The following ASIC1 variants were observed in gnomAD, a reference collection of about 807,000 sequenced individuals.
ASIC1 encodes the protein acid-sensing ion channel 1.
ASIC1 carries 21 observed loss-of-function variants against 63.4 expected under a neutral mutation model. That is an observed-to-expected ratio of 0.33 (90% CI 0.23 to 0.48). The LOEUF (loss-of-function observed/expected upper bound fraction) is 0.48. Among genes scored for constraint, ASIC1 ranks in the 20% least tolerant of loss-of-function variants. The pLI, the probability that ASIC1 is intolerant of heterozygous loss-of-function variation, is 0.99. For missense variants in ASIC1, 478 were observed against 695.5 expected, an observed-to-expected ratio of 0.69 and a Z score of 3.52; for synonymous variants, 258 against 278.2, an observed-to-expected ratio of 0.93 and a Z score of 0.72.
At chr12:50,080,630 G>A (rs1950705726) in intron 9 of ASIC1, 41 bp downstream of exon 9, 1 of 1,614,044 alleles carries the variant, frequency 6.2e-7, no homozygotes, top group African/African-American at 1.3e-5. Context: ...CATGCCATGG[G>A]CATGGCGTGG....
At position 50,081,757 on chromosome 12, in the gene ASIC1, C is replaced by T; in HGVS notation, c.*108C>T. The T allele has an allele frequency of 1.1e-6, 1 of 936,312 alleles. No homozygotes were observed. Among genetic ancestry groups the T allele is most frequent in the East Asian group, 2.6e-5 (1 of 38,016 alleles). The allele number at this position is 936,312 out of a possible 1,614,324, so 58.0% of individuals were successfully genotyped here. A position where few individuals can be genotyped will look rare whatever the true frequency, so the allele number is the denominator to read the frequency against. On this transcript the variant is annotated 3_prime_UTR_variant, in exon 12 of 12. Coordinates refer to ENST00000447966, the MANE Select transcript of ASIC1 (RefSeq NM_001095.4). ...CCTGGGGACTCCCCACACTCCGGGG[C>T]AGATCTTTCCTCTTGTCTGTGGTAA... is the stretch of plus-strand genomic sequence containing the variant.
intron 3 of ASIC1, among the ~76,000 whole-genome samples, chr12:50,067,001 T>C (rs1327906921): frequency 6.6e-6 from 1 of 152,192 alleles, no homozygotes; most frequent in Non-Finnish European, 1.5e-5. Flanking sequence ...TGAAACCCCA[T>C]TGACAATGAA....
At chr12:50,069,322 C>T (rs1048551929) in intron 3 of ASIC1, among the ~76,000 whole-genome samples, 1 of 150,954 alleles carries the variant, frequency 6.6e-6, no homozygotes, top group Non-Finnish European at 1.5e-5. Context: ...GAGACAGAAT[C>T]TCGTTCTATT....
Position 50,078,771 on chromosome 12 carries a change from A to G in ASIC1, c.995-153A>G, listed in dbSNP as rs926073783. On this transcript the variant is annotated intron_variant, in intron 6 of 11. Coordinates refer to ENST00000447966, the MANE Select transcript of ASIC1 (RefSeq NM_001095.4). The surrounding 1 kb of genome is among the most constrained non-coding windows in gnomAD (Gnocchi z 6.0). Reference sequence around the variant, plus strand: ...GGTGGGAAGGGTCTAGAAGGTATGGACCTGGAGTGGGTCACTTCTGGGGCA... The same window carrying G: ...GGTGGGAAGGGTCTAGAAGGTATGGGCCTGGAGTGGGTCACTTCTGGGGCA... 48 of 1,309,840 alleles carry G rather than the reference A, an allele frequency of 3.7e-5. No homozygotes were observed. Among genetic ancestry groups the G allele is most frequent in the Non-Finnish European group, 4.4e-5 (40 of 913,190 alleles). The allele number at this position is 1,309,840 out of a possible 1,614,324, so 81.1% of individuals were successfully genotyped here.
Position 50,063,513 on chromosome 12 carries a change from G to A in ASIC1, c.558+3559G>A, listed in dbSNP as rs145130007. On this transcript the variant is annotated intron_variant, in intron 3 of 11. Coordinates refer to ENST00000447966, the MANE Select transcript of ASIC1 (RefSeq NM_001095.4). The stretch of plus-strand genomic sequence containing the variant: ...GGAAATGCTGGGGTGGACATGTGGT[G>A]TGACTCATAATCTCTCTCAGGAGGG... Among the ~76,000 whole-genome samples the A allele has an allele frequency of 8.5e-5, 13 of 152,304 alleles. No individual in the cohort carries two copies. In the East Asian group the frequency reaches 2.5e-3, roughly 29 times the overall value.
chr12:50,081,509 G>T, intron 11 of ASIC1, 36 bp from the exon 12 acceptor site: 1 of 1,589,610 alleles, frequency 6.3e-7, no homozygotes, highest in East Asian at 2.3e-5. Context: ...GCCCTTCCGA[G>T]GGATAACCCG....
intron 9 of ASIC1, chr12:50,080,838 A>T (rs1950708035): frequency 2.1e-6 from 2 of 971,024 alleles, no homozygotes; most frequent in Non-Finnish European, 3.1e-6. Flanking sequence ...AGACTATTTC[A>T]TATGCCCCTA....
intron 3 of ASIC1, among the ~76,000 whole-genome samples, chr12:50,064,840 C>T (rs1220180000): frequency 3.9e-5 from 6 of 152,196 alleles, no homozygotes; most frequent in Admixed American, 6.5e-5. Context: ...ATTAGGGGAG[C>T]GTTAAGCTCC....
Position 50,059,875 on chromosome 12 carries a change from G to A in ASIC1, c.479G>A (p.Arg160Gln), listed in dbSNP as rs916356955. ...TTCAACATGCGTGAGTTCTACGACC[G>A]AGCTGGGCACGACATTCGAGACATG... is the stretch of plus-strand genomic sequence containing the variant. ...KPFNMREFYD[R>Q]AGHDIRDMLL... is the part of the protein sequence containing the mutation. The change falls in exon 3 of 12, where the codon CGA becomes CAA. Residue 160 changes from arginine to glutamine, a missense_variant. Coordinates refer to ENST00000447966, the MANE Select transcript of ASIC1 (RefSeq NM_001095.4). The surrounding 1 kb of genome is among the most constrained non-coding windows in gnomAD (Gnocchi z 4.6). 2.5e-6 allele frequency: 4 copies of A among 1,614,166 alleles called. No homozygotes were observed. Among genetic ancestry groups the A allele is most frequent in the South Asian group, 2.2e-5 (2 of 91,082 alleles).
At chr12:50,065,425 C>T (rs749003951) in intron 3 of ASIC1, among the ~76,000 whole-genome samples, 1 of 152,204 alleles carries the variant, frequency 6.6e-6, no homozygotes, top group Non-Finnish European at 1.5e-5. Context: ...TAAGCCCAAT[C>T]TCCTGTAAGG....
chr12:50,081,381 G>C lies in ASIC1; in HGVS notation c.1482+17G>C, dbSNP rs1004349919. The C allele has an allele frequency of 6.4e-7, 1 of 1,571,576 alleles. No homozygotes were observed. Among genetic ancestry groups the C allele is most frequent in the Non-Finnish European group, 8.6e-7 (1 of 1,158,452 alleles). ...AAAAGACACGTGAGGGAGCGAGCGA[G>C]GGCGCCCTCCAGCCCGCCTGTGCCT... On this transcript the variant is annotated intron_variant, in intron 11 of 11. Coordinates refer to ENST00000447966, the MANE Select transcript of ASIC1 (RefSeq NM_001095.4).
intron 10 of ASIC1, 21 bp from the exon 11 acceptor site, chr12:50,081,239 C>T (rs370113126): frequency 6.2e-7 from 1 of 1,604,458 alleles, no homozygotes; most frequent in East Asian, 2.2e-5. Context: ...AGCCCGCCCA[C>T]CTGCCCCGTC....
intron 3 of ASIC1, among the ~76,000 whole-genome samples, chr12:50,066,612 G>T (rs114599164): frequency 0.015 from 2,241 of 152,244 alleles, 51 homozygotes; most frequent in African/African-American, 0.052. Flanking sequence ...TACCAGGGCA[G>T]CTTAGTATCA....
chr12:50,068,243 T>TA (rs1950564582), intron 3 of ASIC1, among the ~76,000 whole-genome samples: 1 of 152,216 alleles, frequency 6.6e-6, no homozygotes, highest in Non-Finnish European at 1.5e-5. Context: ...ATTATATGAA[T>TA]ATGCCACAAT....
rs74362039 is a variant in ASIC1, at chr12:50,077,459, C to T, written c.709+96C>T. ...TTCACTGTGAGACCTGGGCAGGGCC[C>T]GGGCTTTCCCCTCTCCCTCCAGCAT... is the stretch of plus-strand genomic sequence containing the variant. On this transcript the variant is annotated intron_variant, in intron 4 of 11. Transcript: ENST00000447966. 9,617 of 1,515,202 alleles carry T rather than the reference C, an allele frequency of 6.3e-3. 529 individuals carry two copies. In the African/African-American group the frequency reaches 0.11, roughly 18 times the overall value. The allele number at this position is 1,515,202 out of a possible 1,614,324, so 93.9% of individuals were successfully genotyped here.
In ASIC1 at chr12:50,081,243, C is replaced by CCCCGT; in HGVS notation, c.1378-13_1378-9dup. The CCCCGT allele has an allele frequency of 1.2e-6, 2 of 1,604,018 alleles. No individual in the cohort carries two copies. Among genetic ancestry groups the CCCCGT allele is most frequent in the Non-Finnish European group, 1.7e-6 (2 of 1,175,494 alleles). On this transcript the variant is annotated splice_polypyrimidine_tract_variant and intron_variant, in intron 10 of 11. Coordinates refer to ENST00000447966, the MANE Select transcript of ASIC1 (RefSeq NM_001095.4). The stretch of plus-strand genomic sequence containing the variant: ...GGGCGGGGTCCAGCCCGCCCACCTG[C>CCCCGT]CCCGTCCCCGTCCTAGGTCATTAAG...
At chr12:50,070,425 G>GGT (rs1181782895) in intron 3 of ASIC1, among the ~76,000 whole-genome samples, 3 of 151,780 alleles carry the variant, frequency 2.0e-5, no homozygotes, top group Non-Finnish European at 4.4e-5. Flanking sequence ...TGTGTGTTGG[G>GGT]GTGTGTGTGT....
chr12:50,073,503 GCCT>G (rs1950619571), intron 3 of ASIC1: 1 of 1,439,774 alleles, frequency 6.9e-7, no homozygotes, highest in African/African-American at 1.4e-5. Context: ...GCCGGACTCT[GCCT>G]GGAGTCACAT....
intron 3 of ASIC1, among the ~76,000 whole-genome samples, chr12:50,068,773 A>G (rs1404862850): frequency 6.6e-6 from 1 of 150,684 alleles, no homozygotes; most frequent in Non-Finnish European, 1.5e-5. Context: ...CATCCCTGAC[A>G]CTCCATCTCC....
Sources: gnomAD v4.1 joint callset for allele counts (sites outside exome capture counted in the v4.1 genomes callset) on GRCh38, gnomAD v4.1.1 for gene constraint, Gnocchi (gnomAD v3.1) non-coding constraint, MANE v1.5 for transcripts, NCBI Gene and HGNC (gene_info 2026-07-23, HGNC 2026-07-21) for gene names.